Variants in KIRREL3 observed in about 807,000 individuals in gnomAD.
KIRREL3 encodes the protein kirre like nephrin family adhesion molecule 3.
A neutral mutation model predicts 89.7 loss-of-function variants in KIRREL3; 36 were observed. That is an observed-to-expected ratio of 0.40 (90% CI 0.31 to 0.53). The LOEUF (loss-of-function observed/expected upper bound fraction) is 0.53. Among genes scored for constraint, KIRREL3 ranks in the 20% least tolerant of loss-of-function variants. The pLI is 0.49. For missense variants in KIRREL3, 864 were observed against 1,056.6 expected (o/e 0.82, Z 2.53); for synonymous variants, 445 against 441.4 (o/e 1.01, Z -0.10).
chr11:126,506,777 A>ATTTTTTTTT (rs35672890), intron 4 of KIRREL3, among the ~76,000 whole-genome samples: 1 of 148,920 alleles, frequency 6.7e-6, no homozygotes, highest in African/African-American at 2.5e-5. Context: ...CATAGCAACA[A>ATTTTTTTTT]TTTTTTTTTT....
Position 126,456,287 on chromosome 11 carries a change from C to T in KIRREL3, c.848+62G>A, listed in dbSNP as rs1015493160. The T allele has an allele frequency of 4.2e-5, 48 of 1,137,758 alleles. No individual in the cohort carries two copies. In the East Asian group the frequency reaches 9.8e-4, roughly 23 times the overall value. 70.5% of individuals were successfully genotyped at this position (1,137,758 alleles called of 1,614,324 possible). On this transcript the variant is annotated intron_variant, in intron 7 of 16. Transcript: ENST00000525144. ...GCTGAGGACCCTAAGTGACATCCCACGTGAGAGGCACGGGGGTGGGGGCCA... is the reference window on the plus strand; with the variant it reads ...GCTGAGGACCCTAAGTGACATCCCATGTGAGAGGCACGGGGGTGGGGGCCA...
In KIRREL3 at chr11:126,896,896, T is replaced by G. The variant is rs1946180902; in HGVS notation, c.55+103559A>C. Among the ~76,000 whole-genome samples the G allele has an allele frequency of 6.6e-6, 1 of 152,162 alleles. No individual in the cohort carries two copies. The highest frequency in any genetic ancestry group is 1.5e-5 in the Non-Finnish European group (1 of 68,042). ...ATGTGCTTCACACGCAGTGGGGATCTTAACAGGCATTGCCATTTCTTTTGC... is the reference window on the plus strand; with the variant it reads ...ATGTGCTTCACACGCAGTGGGGATCGTAACAGGCATTGCCATTTCTTTTGC... On this transcript the variant is annotated intron_variant, in intron 1 of 16. Transcript: ENST00000525144. The surrounding 1 kb of genome is among the most constrained non-coding windows in gnomAD (Gnocchi z 4.1).
At chr11:126,548,158 C>T (rs533909996) in intron 2 of KIRREL3, among the ~76,000 whole-genome samples, 65 of 152,288 alleles carry the variant, frequency 4.3e-4, no homozygotes, top group Non-Finnish European at 6.5e-4. Context: ...GTCATCTGTA[C>T]CTCTCTTTAG....
chr11:126,913,915 C>A (rs1454908503), intron 1 of KIRREL3, among the ~76,000 whole-genome samples: 1 of 152,212 alleles, frequency 6.6e-6, no homozygotes, highest in Non-Finnish European at 1.5e-5. Context: ...CTAGGCAGCA[C>A]ATCTGTCCAT....
Position 126,574,576 on chromosome 11 carries a change from C to A in KIRREL3, c.56-11664G>T, listed in dbSNP as rs370945058. 6.6e-6 allele frequency among the ~76,000 whole-genome samples: 1 copy of A among 152,206 alleles called. No individual in the cohort carries two copies. Among genetic ancestry groups the A allele is most frequent in the African/African-American group, 2.4e-5 (1 of 41,452 alleles). On this transcript the variant is annotated intron_variant, in intron 1 of 16. Coordinates refer to ENST00000525144, the MANE Select transcript of KIRREL3 (RefSeq NM_032531.4). This position sits in a 1 kb window ranked among gnomAD's most constrained non-coding sequence, Gnocchi z 5.3. ...CATGCCAAGGACTGCACAGACCCTG[C>A]ACGTCAATAGCTGAGCCCCAGAGAA...
At chr11:126,560,660 G>C (rs1453104427) in intron 2 of KIRREL3, among the ~76,000 whole-genome samples, 1 of 152,190 alleles carries the variant, frequency 6.6e-6, no homozygotes, top group Non-Finnish European at 1.5e-5. Context: ...TTCTCCCTGG[G>C]TGACAGGCAC....
intron 1 of KIRREL3, among the ~76,000 whole-genome samples, chr11:126,899,344 T>G (rs1045428532): frequency 2.0e-5 from 3 of 152,138 alleles, no homozygotes; most frequent in African/African-American, 7.2e-5. Context: ...TCAAAGTCAT[T>G]TGCACTTGTA....
intron 1 of KIRREL3, among the ~76,000 whole-genome samples, chr11:126,662,596 G>A (rs991923680): frequency 1.3e-5 from 2 of 152,172 alleles, no homozygotes; most frequent in Non-Finnish European, 2.9e-5. Flanking sequence ...TCTTGCATAA[G>A]GGCATTAATC....
chr11:126,742,060 G>A lies in KIRREL3; in HGVS notation c.56-179148C>T, dbSNP rs79260564. ...GAAGGGAGAACTATTTAGAACACAT[G>A]TGAAACTCTATTTACACCAAGCTTT... On this transcript the variant is annotated intron_variant, in intron 1 of 16. Coordinates refer to ENST00000525144, the MANE Select transcript of KIRREL3 (RefSeq NM_032531.4). This position sits in a 1 kb window ranked among gnomAD's most constrained non-coding sequence, Gnocchi z 5.3. Among the ~76,000 whole-genome samples the A allele has an allele frequency of 0.014, 2,113 of 152,324 alleles. 32 individuals are homozygous for A. Among genetic ancestry groups the A allele is most frequent in the Middle Eastern group, 0.037 (11 of 294 alleles).
chr11:126,510,421 T>TTTCCTTCCCTCCTTCCTTCCTTCCTTCC (rs1958179271), intron 4 of KIRREL3, among the ~76,000 whole-genome samples: 2 of 126,328 alleles, frequency 1.6e-5, no homozygotes, highest in Non-Finnish European at 3.2e-5. Context: ...CCTGACGTTG[T>TTTCCTTCCCTCCTTCCTTCCTTCCTTCC]TTCCTTCCTT....
At position 126,454,495 on chromosome 11, in the gene KIRREL3, G is replaced by A. The variant is rs1463275042; in HGVS notation, c.848+1854C>T. Among the ~76,000 whole-genome samples the A allele has an allele frequency of 6.6e-6, 1 of 152,204 alleles. No individual in the cohort carries two copies. Among genetic ancestry groups the A allele is most frequent in the Non-Finnish European group, 1.5e-5 (1 of 68,028 alleles). On this transcript the variant is annotated intron_variant, in intron 7 of 16. Coordinates refer to ENST00000525144, the MANE Select transcript of KIRREL3 (RefSeq NM_032531.4). The surrounding 1 kb of genome is among the most constrained non-coding windows in gnomAD (Gnocchi z 5.8). ...GGGGTGCTTGCCGGGTGGTCTGTGG[G>A]TGTGAAGGGCTGCCCTGGGAAGCTA...
intron 1 of KIRREL3, among the ~76,000 whole-genome samples, chr11:126,910,512 G>A (rs1370938646): frequency 1.3e-5 from 2 of 152,166 alleles, no homozygotes; most frequent in Non-Finnish European, 2.9e-5. Flanking sequence ...TGAAGAGGCT[G>A]GCTACTATTT....
At chr11:126,585,220 CTTTTTTTTTTTTTT>C (rs3042225) in intron 1 of KIRREL3, among the ~76,000 whole-genome samples, 6 of 81,922 alleles carry the variant, frequency 7.3e-5, no homozygotes, top group East Asian at 3.2e-4. Context: ...CGCCCGGCCT[CTTTTTTTTTTTTTT>C]TTTTTTTTTT....
rs1947504171 is a variant in KIRREL3, at chr11:126,705,721, C to T, written c.56-142809G>A. On this transcript the variant is annotated intron_variant, in intron 1 of 16. Transcript: ENST00000525144. The surrounding 1 kb of genome is among the most constrained non-coding windows in gnomAD (Gnocchi z 4.3). ...TGTATGTGCATAAATGGAAAATGCA[C>T]TGTGGTAAATTACAGATGGCTACAA... 6.6e-6 allele frequency among the ~76,000 whole-genome samples: 1 copy of T among 152,176 alleles called. No individual in the cohort carries two copies. The highest frequency in any genetic ancestry group is 2.4e-5 in the African/African-American group (1 of 41,442).
chr11:126,882,469 A>G (rs776173905), intron 1 of KIRREL3, among the ~76,000 whole-genome samples: 7 of 152,166 alleles, frequency 4.6e-5, no homozygotes, highest in Non-Finnish European at 7.3e-5. Flanking sequence ...AAATATAGAG[A>G]TGGTTTGTCC....
Position 126,879,647 on chromosome 11 carries a change from C to T in KIRREL3, c.55+120808G>A, listed in dbSNP as rs1055818538. Among the ~76,000 whole-genome samples, 1 of 152,204 alleles carries T rather than the reference C, an allele frequency of 6.6e-6. No homozygotes were observed. The highest frequency in any genetic ancestry group is 1.5e-5 in the Non-Finnish European group (1 of 68,050). ...ACCTCCAAGCCACTTTCCATGTAGCCATGAGGCCTCTCAAAAGAATGGAGA... is the reference window on the plus strand; with the variant it reads ...ACCTCCAAGCCACTTTCCATGTAGCTATGAGGCCTCTCAAAAGAATGGAGA... On this transcript the variant is annotated intron_variant, in intron 1 of 16. Transcript: ENST00000525144. This position sits in a 1 kb window ranked among gnomAD's most constrained non-coding sequence, Gnocchi z 5.4.
intron 1 of KIRREL3, among the ~76,000 whole-genome samples, chr11:126,934,513 C>CCA (rs753229049): frequency 2.0e-5 from 3 of 151,936 alleles, no homozygotes; most frequent in Non-Finnish European, 4.4e-5. Context: ...AAAAGAGGAG[C>CCA]CACACACTGA....
Position 126,990,812 on chromosome 11 carries a change from C to T in KIRREL3, c.55+9643G>A, listed in dbSNP as rs146851293. On this transcript the variant is annotated intron_variant, in intron 1 of 16. Coordinates refer to ENST00000525144, the MANE Select transcript of KIRREL3 (RefSeq NM_032531.4). This position sits in a 1 kb window ranked among gnomAD's most constrained non-coding sequence, Gnocchi z 6.3. ...AGTGCAGGTCCTAGGATTTAGGGAACGCAACCACTGAGGGATTAAGTGGTG... is the reference window on the plus strand; with the variant it reads ...AGTGCAGGTCCTAGGATTTAGGGAATGCAACCACTGAGGGATTAAGTGGTG... 6.6e-6 allele frequency among the ~76,000 whole-genome samples: 1 copy of T among 152,208 alleles called. No individual in the cohort carries two copies. Among genetic ancestry groups the T allele is most frequent in the Admixed American group, 6.5e-5 (1 of 15,288 alleles).
intron 1 of KIRREL3, among the ~76,000 whole-genome samples, chr11:126,634,188 G>A (rs1472066723): frequency 6.6e-6 from 1 of 152,114 alleles, no homozygotes; most frequent in African/African-American, 2.4e-5. Context: ...TCTGTTCACC[G>A]GTACCGAAGG....
Sources: gnomAD v4.1 joint callset for allele counts (sites outside exome capture counted in the v4.1 genomes callset) on GRCh38, gnomAD v4.1.1 for gene constraint, Gnocchi (gnomAD v3.1) non-coding constraint, MANE v1.5 for transcripts, NCBI Gene and HGNC (gene_info 2026-07-23, HGNC 2026-07-21) for gene names.